DHRSX: variants seen among roughly 807,000 people sequenced by gnomAD.
DHRSX encodes polyprenol dehydrogenase.
Under a neutral mutation model 34.0 loss-of-function variants are expected in DHRSX, and 31 were observed. The ratio of observed to expected loss-of-function variants is 0.91; its 90% CI spans 0.69 to 1.23. The LOEUF is 1.23. DHRSX is among the 50% of genes most tolerant of loss of function. The pLI is 0.00. For synonymous variants in DHRSX, 201 were observed against 183.8 expected (o/e 1.09, Z -0.76); for missense variants, 414 against 428.1 (o/e 0.97, Z 0.29).
intron 3 of DHRSX, among the ~76,000 whole-genome samples, chrX:2,295,912 TCCTCC>T (rs1198623595): frequency 1.1e-4 from 17 of 152,130 alleles, no homozygotes; most frequent in Non-Finnish European, 2.2e-4. Context: ...ATAGTTCCCT[TCCTCC>T]CATACGTAGC....
chrX:2,247,769 T>C lies in DHRSX; in HGVS notation c.597-4539A>G, dbSNP rs191135274. On this transcript the variant is annotated intron_variant, in intron 5 of 6. Transcript: ENST00000334651. ...GCCTATGCTGGGGCTCAGAGAACAG[T>C]AACCTAAAATGAAGACCTCAGAAGC... is the stretch of plus-strand genomic sequence containing the variant. Among the ~76,000 whole-genome samples, 415 of 151,330 alleles carry C rather than the reference T, an allele frequency of 2.7e-3. 6 individuals carry two copies. The highest frequency in any genetic ancestry group is 9.3e-3 in the African/African-American group (384 of 41,214).
chrX:2,340,817 C>G (rs1420044987), intron 3 of DHRSX, among the ~76,000 whole-genome samples: 1 of 151,872 alleles, frequency 6.6e-6, no homozygotes, highest in Non-Finnish European at 1.5e-5. Flanking sequence ...GATGAAGCAA[C>G]AAAAGGAAGG....
At chrX:2,370,857 G>C (rs1462878377) in intron 3 of DHRSX, among the ~76,000 whole-genome samples, 2 of 152,118 alleles carry the variant, frequency 1.3e-5, no homozygotes, top group Non-Finnish European at 2.9e-5. Flanking sequence ...GCTTCCTTAG[G>C]ACCTGCTCAA....
In DHRSX at chrX:2,291,584, G is replaced by T. The variant is rs1211172156; in HGVS notation, c.306C>A (p.Asp102Glu). The T allele has an allele frequency of 6.2e-7, 1 of 1,613,798 alleles. No homozygotes were observed. Among genetic ancestry groups the T allele is most frequent in the East Asian group, 2.2e-5 (1 of 44,876 alleles). The change falls in exon 4 of 7, where the codon GAC becomes GAA. Residue 102 changes from aspartate (D) to glutamate (E), a missense_variant. Asp to Glu is a conservative substitution (Grantham distance 45). Coordinates refer to ENST00000334651, the MANE Select transcript of DHRSX (RefSeq NM_145177.3). ...GCCGGATGGAAGTCATGGAAGCCAAGTCACAGTATAAAAATTCCACTGGAA... is the reference window on the plus strand; with the variant it reads ...GCCGGATGGAAGTCATGGAAGCCAATTCACAGTATAAAAATTCCACTGGAA... ...LNDKVEFLYCDLASMTSIRQF... is the reference protein window; with the variant it reads ...LNDKVEFLYCELASMTSIRQF...
At chrX:2,492,598 C>A (rs1466814058) in intron 1 of DHRSX, among the ~76,000 whole-genome samples, 1 of 151,708 alleles carries the variant, frequency 6.6e-6, no homozygotes, top group Non-Finnish European at 1.5e-5. Flanking sequence ...TTGAGTGAGC[C>A]CTAAATGCAG....
intron 1 of DHRSX, among the ~76,000 whole-genome samples, chrX:2,486,011 G>C (rs2044917790): frequency 6.6e-6 from 1 of 151,676 alleles, no homozygotes; most frequent in Non-Finnish European, 1.5e-5. Flanking sequence ...TGTGAGAGGA[G>C]GTGAGGAAGA....
chrX:2,500,844 G>A lies in DHRSX; in HGVS notation c.82C>T (p.Arg28Cys). Residue 28 changes from arginine to cysteine, a missense_variant, in exon 1 of 7, where the codon CGC becomes TGC. Coordinates refer to ENST00000334651, the MANE Select transcript of DHRSX (RefSeq NM_145177.3). ...GGCTCCAGGAAGCCCCCGCGGCAGC[G>A]CCGCAGCAGCTGCGCCAGGATCACC... is the stretch of plus-strand genomic sequence containing the variant. ...AAVILAQLLRRCRGGFLEPVF... is the reference protein window; with the variant it reads ...AAVILAQLLRCCRGGFLEPVF... The A allele has an allele frequency of 8.8e-7, 1 of 1,139,776 alleles. No individual in the cohort carries two copies. The highest frequency in any genetic ancestry group is 3.3e-5 in the South Asian group (1 of 30,086). The allele number at this position is 1,139,776 out of a possible 1,614,324, so 70.6% of individuals were successfully genotyped here. A position where few individuals can be genotyped will look rare whatever the true frequency, so the allele number is the denominator to read the frequency against.
chrX:2,269,475 C>T (rs2041520110), intron 4 of DHRSX, among the ~76,000 whole-genome samples: 2 of 152,088 alleles, frequency 1.3e-5, no homozygotes, highest in South Asian at 4.1e-4. Flanking sequence ...TACATGAATA[C>T]ATTTTCCTAG....
At chrX:2,426,280 C>T (rs1034931710) in intron 1 of DHRSX, among the ~76,000 whole-genome samples, 3 of 152,196 alleles carry the variant, frequency 2.0e-5, no homozygotes, top group African/African-American at 4.8e-5. Context: ...CTGGTTAAGA[C>T]GAGTGATCCA....
intron 6 of DHRSX, among the ~76,000 whole-genome samples, chrX:2,241,187 A>C (rs549295794): frequency 6.6e-6 from 1 of 152,272 alleles, no homozygotes; most frequent in South Asian, 2.1e-4. Context: ...CATCTCAAAC[A>C]AACAAACAAA....
Position 2,298,614 on chromosome X carries a change from A to ACACACACACG in DHRSX, c.287-7012_287-7011insCGTGTGTGTG, listed in dbSNP as rs1556457252. On this transcript the variant is annotated intron_variant, in intron 3 of 6. Coordinates refer to ENST00000334651, the MANE Select transcript of DHRSX (RefSeq NM_145177.3). ...CAGGCGCGTGTGTACACACACACAC[A>ACACACACACG]CACACACACACACACACACACACGA... Among the ~76,000 whole-genome samples, 80 of 82,974 alleles carry ACACACACACG rather than the reference A, an allele frequency of 9.6e-4. 1 individual carries two copies. The highest frequency in any genetic ancestry group is 1.4e-3 in the Non-Finnish European group (50 of 35,008). The allele number at this position is 82,974 out of a possible 152,430, so 54.4% of individuals were successfully genotyped here.
intron 1 of DHRSX, among the ~76,000 whole-genome samples, chrX:2,440,579 G>A (rs2044050482): frequency 6.6e-6 from 1 of 151,674 alleles, no homozygotes; most frequent in African/African-American, 2.4e-5. Flanking sequence ...CCAGGCTGGA[G>A]TGCAGTGGCG....
intron 1 of DHRSX, among the ~76,000 whole-genome samples, chrX:2,444,377 G>A (rs2044101270): frequency 6.6e-6 from 1 of 152,136 alleles, no homozygotes; most frequent in African/African-American, 2.4e-5. Flanking sequence ...AATGAGGAAG[G>A]CACTTACGAG....
At chrX:2,450,622 A>T (rs1474963193) in intron 1 of DHRSX, among the ~76,000 whole-genome samples, 1 of 152,054 alleles carries the variant, frequency 6.6e-6, no homozygotes, top group African/African-American at 2.4e-5. Flanking sequence ...TTTTACCGTG[A>T]CCAAGATTTT....
At chrX:2,436,695 C>T (rs2043996094) in intron 1 of DHRSX, among the ~76,000 whole-genome samples, 1 of 151,316 alleles carries the variant, frequency 6.6e-6, no homozygotes, top group Admixed American at 6.6e-5. Context: ...CAGGGTCTTG[C>T]TCCATTGTTC....
chrX:2,402,146 C>A (rs2043493941), intron 3 of DHRSX, among the ~76,000 whole-genome samples: 1 of 152,224 alleles, frequency 6.6e-6, no homozygotes, highest in African/African-American at 2.4e-5. Context: ...TGACACTCCA[C>A]AGCAATCTGT....
chrX:2,243,801 T>TTTTTTTTTTTTG (rs2016209961), intron 5 of DHRSX, among the ~76,000 whole-genome samples: 2 of 84,488 alleles, frequency 2.4e-5, no homozygotes, highest in South Asian at 4.0e-4. Flanking sequence ...TTTTTTTTTT[T>TTTTTTTTTTTTG]TTTTTTTTTT....
chrX:2,445,421 T>C (rs2044117470), intron 1 of DHRSX, among the ~76,000 whole-genome samples: 3 of 151,990 alleles, frequency 2.0e-5, no homozygotes, highest in Admixed American at 1.3e-4. Flanking sequence ...TCTTGGAAAA[T>C]TTATCAATCA....
chrX:2,330,097 GGAGGGAGAGA>G (rs2042442084), intron 3 of DHRSX, among the ~76,000 whole-genome samples: 1 of 34,128 alleles, frequency 2.9e-5, no homozygotes, highest in African/African-American at 1.4e-4. Flanking sequence ...GGGGGGGGAG[GGAGGGAGAGA>G]GAGAGAGAGA....
Sources: gnomAD v4.1 joint callset for allele counts (sites outside exome capture counted in the v4.1 genomes callset) on GRCh38, gnomAD v4.1.1 for gene constraint, MANE v1.5 for transcripts, NCBI Gene and HGNC (gene_info 2026-07-23, HGNC 2026-07-21) for gene names.